Variants in SNURF observed in about 807,000 individuals in gnomAD.
SNURF encodes SNURF protein.
SNURF carries 6 observed loss-of-function variants against 11.6 expected under a neutral mutation model. The observed-to-expected ratio is 0.52, with a 90% CI of 0.28 to 1.02. The LOEUF (loss-of-function observed/expected upper bound fraction) is 1.02. Among genes scored for constraint, SNURF ranks in the 50% least tolerant of loss-of-function variants. The pLI, the probability that SNURF is intolerant of heterozygous loss-of-function variation, is 0.09. For missense variants in SNURF, 84 were observed against 88.4 expected (o/e 0.95, Z 0.20); for synonymous variants, 29 against 31.6 (o/e 0.92, Z 0.27).
downstream of SNURF, among the ~76,000 whole-genome samples, chr15:24,970,708 T>G (rs1247404965): frequency 2.6e-5 from 4 of 152,148 alleles, no homozygotes; most frequent in East Asian, 7.7e-4. Flanking sequence ...CTTTTAAACG[T>G]TTTTGTTACA....
chr15:24,976,497 C>A, intron 5 of SNURF: 1 of 957,498 alleles, frequency 1.0e-6, no homozygotes, highest in Non-Finnish European at 1.6e-6. Context: ...CAGGGTAGAG[C>A]AGACACAGTT....
chr15:24,972,402 A>G (rs1444823861), downstream of SNURF, among the ~76,000 whole-genome samples: 8 of 152,178 alleles, frequency 5.3e-5, 1 homozygote, highest in African/African-American at 1.7e-4. Context: ...GACAGAAACT[A>G]CATTTAATTT....
intron 2 of SNURF, among the ~76,000 whole-genome samples, chr15:24,962,778 C>T (rs569278445): frequency 5.1e-4 from 77 of 152,036 alleles, no homozygotes; most frequent in Non-Finnish European, 9.9e-4. Context: ...TTTAAATGAC[C>T]TAATACATAT....
At chr15:24,973,058 T>C (rs922749785), downstream of SNURF, among the ~76,000 whole-genome samples, 13 of 152,054 alleles carry the variant, frequency 8.5e-5, no homozygotes, top group African/African-American at 3.1e-4. Flanking sequence ...CAGCTAATGT[T>C]TGTATTTTTA....
At chr15:24,958,486 GTTT>G (rs71127030) in intron 1 of SNURF, among the ~76,000 whole-genome samples, 71 of 65,290 alleles carry the variant, frequency 1.1e-3, no homozygotes, top group African/African-American at 2.4e-3. Context: ...CTGGCTCAAA[GTTT>G]TTTTTTTTTT....
rs182618931 is a variant in SNURF, at chr15:24,975,127, C to G, written c.*46-231C>G. Among the ~76,000 whole-genome samples, 479 of 152,174 alleles carry G rather than the reference C, an allele frequency of 3.1e-3. 1 individual carries two copies. The highest frequency in any genetic ancestry group is 6.8e-3 in the Middle Eastern group (2 of 294). ...CATCGTCACAGAGAAGGATAATCAC[C>G]TGTAAGGAGGTGAAAATTGGTTCTT... On this transcript the variant is annotated intron_variant and NMD_transcript_variant, in intron 3 of 6. Coordinates refer to the SNURF transcript ENST00000580062.
At chr15:24,973,078 G>A (rs1354870010), downstream of SNURF, among the ~76,000 whole-genome samples, 1 of 152,108 alleles carries the variant, frequency 6.6e-6, no homozygotes, top group East Asian at 1.9e-4. Context: ...AGTAGAGATA[G>A]GGTTTTCGCC....
intron 2 of SNURF, among the ~76,000 whole-genome samples, chr15:24,964,990 A>C (rs986841262): frequency 5.9e-5 from 9 of 152,180 alleles, no homozygotes; most frequent in Non-Finnish European, 1.2e-4. Context: ...TAAAGTGTAG[A>C]GTTAGGGAAA....
chr15:24,978,139 T>C, downstream of SNURF: 1 of 1,577,986 alleles, frequency 6.3e-7, no homozygotes, highest in Non-Finnish European at 8.7e-7. Flanking sequence ...GGCTAAATTC[T>C]AACTTTTCTA....
exon 6 of SNURF, chr15:24,976,936 A>G (rs950695321): frequency 6.2e-7 from 1 of 1,608,932 alleles, no homozygotes; most frequent in South Asian, 1.1e-5. Flanking sequence ...TTGGTAGGGC[A>G]GCTGGTAGAG....
At chr15:24,970,437 G>A (rs144694299), downstream of SNURF, among the ~76,000 whole-genome samples, 315 of 152,168 alleles carry the variant, frequency 2.1e-3, 2 homozygotes, top group African/African-American at 7.2e-3. Flanking sequence ...ATATTAGCCG[G>A]GTGTAGTGGG....
At chr15:24,963,730 T>C (rs1351669021) in intron 2 of SNURF, among the ~76,000 whole-genome samples, 1 of 152,142 alleles carries the variant, frequency 6.6e-6, no homozygotes. Context: ...TCTTTTGTTA[T>C]TTCCTCATTT....
chr15:24,956,304 C>T (rs1445966477), intron 1 of SNURF, among the ~76,000 whole-genome samples: 1 of 146,744 alleles, frequency 6.8e-6, no homozygotes, highest in Non-Finnish European at 1.5e-5. Context: ...TGTGCAGCTC[C>T]TTCAAGATGG....
intron 3 of SNURF, among the ~76,000 whole-genome samples, chr15:24,973,844 G>A (rs1242988885): frequency 1.3e-5 from 2 of 152,186 alleles, no homozygotes; most frequent in Non-Finnish European, 2.9e-5. Flanking sequence ...GGCTCTTAGT[G>A]GGGAAAGATT....
chr15:24,974,396 A>C (rs1003429924), intron 3 of SNURF: 33 of 1,555,696 alleles, frequency 2.1e-5, no homozygotes, highest in Non-Finnish European at 2.9e-5. Flanking sequence ...GCCTTCCCCT[A>C]GGTCTTCAGA....
intron 6 of SNURF, chr15:24,977,070 T>G (rs748137773): frequency 3.4e-6 from 5 of 1,492,426 alleles, no homozygotes; most frequent in Non-Finnish European, 4.5e-6. Flanking sequence ...TGGGAGAATA[T>G]GACTAAGCCG....
At chr15:24,960,704 T>C (rs374389802) in intron 1 of SNURF, among the ~76,000 whole-genome samples, 1 of 152,204 alleles carries the variant, frequency 6.6e-6, no homozygotes, top group African/African-American at 2.4e-5. Context: ...TCAAGTGTTT[T>C]ACCCATCGTA....
downstream of SNURF, among the ~76,000 whole-genome samples, chr15:24,969,408 C>T (rs1361358198): frequency 3.3e-5 from 5 of 152,148 alleles, no homozygotes; most frequent in South Asian, 2.1e-4. Context: ...GGATTACAGG[C>T]GTGACCTACC....
At chr15:24,961,054 C>CT (rs1264267985) in intron 1 of SNURF, among the ~76,000 whole-genome samples, 1 of 151,926 alleles carries the variant, frequency 6.6e-6, no homozygotes, top group Non-Finnish European at 1.5e-5. Context: ...CTTTCACTTT[C>CT]TTTAGTGTTT....
Sources: gnomAD v4.1 joint callset for allele counts (sites outside exome capture counted in the v4.1 genomes callset) on GRCh38, gnomAD v4.1.1 for gene constraint, MANE v1.5 for transcripts, NCBI Gene and HGNC (gene_info 2026-07-23, HGNC 2026-07-21) for gene names.